Variants in INPP4B observed in about 807,000 individuals in gnomAD.
The protein encoded by INPP4B is inositol polyphosphate 4-phosphatase type II.
Under a neutral mutation model 122.5 loss-of-function variants are expected in INPP4B, and 55 were observed. The observed-to-expected ratio is 0.45, with a 90% CI of 0.36 to 0.56. The LOEUF is 0.56. INPP4B is among the 20% of genes least tolerant of loss of function. The pLI is 0.00. For synonymous variants in INPP4B, 403 were observed against 388.7 expected, an observed-to-expected ratio of 1.04 and a Z score of -0.43; for missense variants, 1,000 against 1,097.7, an observed-to-expected ratio of 0.91 and a Z score of 1.26.
At chr4:142,601,777 G>C (rs917698086) in intron 2 of INPP4B, among the ~76,000 whole-genome samples, 1 of 151,782 alleles carries the variant, frequency 6.6e-6, no homozygotes, top group African/African-American at 2.4e-5. Flanking sequence ...AGACCATCCT[G>C]GCTAACATGG....
intron 18 of INPP4B, among the ~76,000 whole-genome samples, chr4:142,131,064 A>C (rs905560907): frequency 6.6e-6 from 1 of 152,216 alleles, no homozygotes; most frequent in Admixed American, 6.5e-5. Flanking sequence ...TTGTAGCACA[A>C]AAGTTTTAAA....
intron 25 of INPP4B, among the ~76,000 whole-genome samples, chr4:142,053,681 A>T (rs1755901568): frequency 6.6e-6 from 1 of 152,044 alleles, no homozygotes; most frequent in Non-Finnish European, 1.5e-5. Context: ...TCTCCAAGAA[A>T]CCATGAATGA....
chr4:142,154,132 G>A (rs1261616240), intron 17 of INPP4B, among the ~76,000 whole-genome samples: 1 of 151,980 alleles, frequency 6.6e-6, no homozygotes, highest in Admixed American at 6.6e-5. Flanking sequence ...CTGATGGTGA[G>A]AGTGAATGCT....
intron 2 of INPP4B, among the ~76,000 whole-genome samples, chr4:142,568,153 CTT>C (rs66773597): frequency 0.14 from 20,767 of 148,814 alleles, 1,580 homozygotes; most frequent in South Asian, 0.24. Flanking sequence ...TTTTTTTATT[CTT>C]TTTTTTTTTT....
chr4:142,467,366 AAAG>A (rs1272049900), intron 2 of INPP4B, among the ~76,000 whole-genome samples: 2 of 152,152 alleles, frequency 1.3e-5, no homozygotes, highest in Non-Finnish European at 2.9e-5. Flanking sequence ...ACATGAGGTC[AAAG>A]GAGATTGTTT....
chr4:142,321,548 T>C lies in INPP4B; in HGVS notation c.373-6786A>G, dbSNP rs62328286. On this transcript the variant is annotated intron_variant, in intron 7 of 25. Transcript: ENST00000262992. ...TTTTTCTAATGTTATCTTCTAGAATTTTTATGATTTCAGGTCTTAGATTTA... is the reference window on the plus strand; with the variant it reads ...TTTTTCTAATGTTATCTTCTAGAATCTTTATGATTTCAGGTCTTAGATTTA... Among the ~76,000 whole-genome samples the C allele has an allele frequency of 8.8e-3, 1,339 of 152,316 alleles. 11 individuals are homozygous for C. The highest frequency in any genetic ancestry group is 0.013 in the Non-Finnish European group (882 of 68,002).
intron 2 of INPP4B, among the ~76,000 whole-genome samples, chr4:142,662,678 G>T (rs954399138): frequency 2.0e-5 from 3 of 152,168 alleles, no homozygotes; most frequent in African/African-American, 7.2e-5. Flanking sequence ...GGTGGAAAGA[G>T]CCTGGGTTCC....
chr4:142,655,529 G>C (rs945723861), intron 2 of INPP4B, among the ~76,000 whole-genome samples: 4 of 152,058 alleles, frequency 2.6e-5, no homozygotes, highest in Non-Finnish European at 5.9e-5. Flanking sequence ...TGCTTTTCAG[G>C]CACCTGAATG....
chr4:142,202,110 AAAGT>A (rs1342953354), intron 14 of INPP4B, among the ~76,000 whole-genome samples: 1 of 152,056 alleles, frequency 6.6e-6, no homozygotes, highest in Admixed American at 6.6e-5. Context: ...CATAGTATCC[AAAGT>A]AATAGATAAA....
intron 1 of INPP4B, among the ~76,000 whole-genome samples, chr4:142,823,432 T>A (rs1478103387): frequency 2.0e-5 from 3 of 152,098 alleles, no homozygotes; most frequent in Non-Finnish European, 2.9e-5. Context: ...GATGTAAAAA[T>A]ACTGCAAGAA....
At chr4:142,178,557 C>T (rs1199957315) in intron 15 of INPP4B, among the ~76,000 whole-genome samples, 1 of 152,112 alleles carries the variant, frequency 6.6e-6, no homozygotes, top group African/African-American at 2.4e-5. Context: ...TCCATTGCTA[C>T]CTCCACTCCT....
At position 142,729,149 on chromosome 4, in the gene INPP4B, T is replaced by G. The variant is rs139810730; in HGVS notation, c.-253-3248A>C. The stretch of plus-strand genomic sequence containing the variant: ...GCTCACAAGAGGGTTCATGCTCCTA[T>G]GAGAATCTAATGCTGCAGCCGATGT... On this transcript the variant is annotated intron_variant, in intron 1 of 25. Coordinates refer to ENST00000262992, the MANE Select transcript of INPP4B (RefSeq NM_001101669.3). 3.7e-3 allele frequency among the ~76,000 whole-genome samples: 568 copies of G among 152,234 alleles called. 2 individuals carry two copies. Among genetic ancestry groups the G allele is most frequent in the African/African-American group, 0.012 (494 of 41,546 alleles).
At chr4:142,822,935 C>A (rs554052090) in intron 1 of INPP4B, among the ~76,000 whole-genome samples, 14 of 152,302 alleles carry the variant, frequency 9.2e-5, no homozygotes, top group African/African-American at 3.4e-4. Flanking sequence ...GTTTCTCATG[C>A]GTTGGCTCCA....
At chr4:142,659,417 A>G (rs139365564) in intron 2 of INPP4B, among the ~76,000 whole-genome samples, 2,823 of 152,182 alleles carry the variant, frequency 0.019, 32 homozygotes, top group Non-Finnish European at 0.027. Flanking sequence ...AAAGAAAAAA[A>G]AAAGAGGACT....
chr4:142,361,759 T>C lies in INPP4B; in HGVS notation c.372+41179A>G, dbSNP rs553050967. 6.6e-5 allele frequency among the ~76,000 whole-genome samples: 10 copies of C among 150,688 alleles called. No homozygotes were observed. In the South Asian group the frequency reaches 1.2e-3, roughly 19 times the overall value. ...TCTGTAATGACCATTTCTACCTTAT[T>C]TATAGGTGGATATTGTCACCTTTTA... On this transcript the variant is annotated intron_variant, in intron 7 of 25. Coordinates refer to ENST00000262992, the MANE Select transcript of INPP4B (RefSeq NM_001101669.3).
At chr4:142,600,770 A>G (rs933813570) in intron 2 of INPP4B, among the ~76,000 whole-genome samples, 6 of 152,220 alleles carry the variant, frequency 3.9e-5, no homozygotes, top group Admixed American at 3.9e-4. Flanking sequence ...TAGATTAAGA[A>G]TGATCCAACT....
intron 12 of INPP4B, among the ~76,000 whole-genome samples, chr4:142,221,424 A>ACACAATC (rs1849346695): frequency 6.6e-6 from 1 of 151,122 alleles, no homozygotes; most frequent in Middle Eastern, 3.4e-3. Context: ...AAGAAATATA[A>ACACAATC]CACAATCCCT....
intron 9 of INPP4B, among the ~76,000 whole-genome samples, chr4:142,277,437 G>T (rs1282376700): frequency 6.6e-6 from 1 of 151,748 alleles, no homozygotes; most frequent in Non-Finnish European, 1.5e-5. Flanking sequence ...TCACACTGTT[G>T]GTGGGAATGT....
intron 2 of INPP4B, among the ~76,000 whole-genome samples, chr4:142,657,577 T>G (rs1365356932): frequency 4.6e-5 from 7 of 152,174 alleles, no homozygotes; most frequent in Admixed American, 4.6e-4. Flanking sequence ...TAGTAAAAGG[T>G]TATAAGAAGG....
Sources: allele counts gnomAD v4.1 joint callset (sites outside exome capture counted in the v4.1 genomes callset), GRCh38; gene constraint gnomAD v4.1.1; transcripts MANE v1.5; gene names NCBI Gene and HGNC (gene_info 2026-07-23, HGNC 2026-07-21).